Variants in CEP63 observed in about 807,000 individuals in gnomAD.
CEP63 encodes centrosomal protein of 63 kDa.
CEP63 carries 84 observed loss-of-function variants against 89.1 expected under a neutral mutation model. The observed-to-expected ratio is 0.94, with a 90% CI of 0.79 to 1.13. The LOEUF is 1.13. Ranked by LOEUF, CEP63 falls within the 50% of genes most tolerant of loss-of-function variation. CEP63 has a pLI of 0.00. For synonymous variants in CEP63, 267 were observed against 272.5 expected, an observed-to-expected ratio of 0.98 and a Z score of 0.20; for missense variants, 838 against 813.3, an observed-to-expected ratio of 1.03 and a Z score of -0.37.
chr3:134,661,340 G>A, the CEP63 span, among the ~76,000 whole-genome samples: 2 of 152,026 alleles, frequency 1.3e-5, no homozygotes, highest in African/African-American at 4.8e-5. Context: ...TGTTCCTTCC[G>A]CCTAATATGC....
the CEP63 span, among the ~76,000 whole-genome samples, chr3:134,634,747 C>T: frequency 1.3e-5 from 2 of 152,146 alleles, no homozygotes; most frequent in Non-Finnish European, 2.9e-5. Flanking sequence ...ATGCAAAACT[C>T]GCATAGAGAG....
At chr3:134,681,328 C>A in the CEP63 span, among the ~76,000 whole-genome samples, 3 of 152,154 alleles carry the variant, frequency 2.0e-5, no homozygotes, top group Admixed American at 6.5e-5. Context: ...CCACAGGAGC[C>A]TGGCCCAAGC....
chr3:134,591,723 C>A (rs4399924), downstream of CEP63, among the ~76,000 whole-genome samples: 148,660 of 151,832 alleles, frequency 0.98, 72,801 homozygotes, highest in Non-Finnish European at 1. Context: ...ACAAAAAAAA[C>A]AAAAAAAATT....
chr3:134,575,156 G>A (rs958123151), downstream of CEP63: 16 of 109,608 alleles, frequency 1.5e-4, no homozygotes, highest in African/African-American at 1.5e-3. Flanking sequence ...CCCTCCCTCC[G>A]TCCCCCTTCC....
chr3:134,740,521 T>A, the CEP63 span, among the ~76,000 whole-genome samples: 1 of 152,050 alleles, frequency 6.6e-6, no homozygotes, highest in Non-Finnish European at 1.5e-5. Flanking sequence ...ATGGTCTCGA[T>A]CTCCTGACCT....
the CEP63 span, among the ~76,000 whole-genome samples, chr3:134,713,906 C>A: frequency 3.3e-5 from 5 of 152,320 alleles, no homozygotes; most frequent in South Asian, 8.3e-4. Context: ...TAACACCTGT[C>A]CAGAGCTCAG....
chr3:134,737,272 CA>C, the CEP63 span, among the ~76,000 whole-genome samples: 11 of 152,116 alleles, frequency 7.2e-5, no homozygotes, highest in Admixed American at 3.9e-4. Context: ...ACAATAAGCA[CA>C]AAATCTAATA....
chr3:134,652,918 G>A, the CEP63 span, among the ~76,000 whole-genome samples: 1 of 152,108 alleles, frequency 6.6e-6, no homozygotes, highest in Non-Finnish European at 1.5e-5. Flanking sequence ...TGGTGATGGT[G>A]GGGGGAGCTG....
chr3:134,532,553 TTTTG>T (rs1950049100), intron 4 of CEP63, among the ~76,000 whole-genome samples: 1 of 152,188 alleles, frequency 6.6e-6, no homozygotes, highest in Non-Finnish European at 1.5e-5. Context: ...AATACAAAAC[TTTTG>T]TTTAAAATTT....
the CEP63 span, among the ~76,000 whole-genome samples, chr3:134,678,466 T>C: frequency 1.3e-5 from 2 of 152,180 alleles, no homozygotes; most frequent in South Asian, 2.1e-4. Context: ...AGGCTGTGCA[T>C]GTTCCTGGTG....
At chr3:134,767,804 C>T in the CEP63 span, among the ~76,000 whole-genome samples, 9 of 152,168 alleles carry the variant, frequency 5.9e-5, no homozygotes, top group African/African-American at 2.2e-4. Context: ...ATGCTCTGTT[C>T]AGGGAACTCT....
intron 11 of CEP63, among the ~76,000 whole-genome samples, chr3:134,574,237 A>T (rs1187876219): frequency 6.6e-6 from 1 of 152,212 alleles, no homozygotes; most frequent in Non-Finnish European, 1.5e-5. Flanking sequence ...GACTGGGGTG[A>T]GAAGAGAGAT....
chr3:134,564,798 G>A lies in CEP63; in HGVS notation c.*3263G>A, dbSNP rs1474416100. 1.0e-6 allele frequency: 1 copy of A among 985,380 alleles called. No homozygotes were observed. 61.0% of individuals were successfully genotyped at this position (985,380 alleles called of 1,614,324 possible). ...GTAGACTGCAGCCCGTTTCTGAAAC[G>A]TTTGTACTACGTGTTGACTAGGAGG... On this transcript the variant is annotated 3_prime_UTR_variant, in exon 15 of 15. Coordinates refer to ENST00000675561, the MANE Select transcript of CEP63 (RefSeq NM_001353108.3).
chr3:134,608,761 C>T, the CEP63 span: 3 of 1,613,910 alleles, frequency 1.9e-6, no homozygotes, highest in African/African-American at 4.0e-5. Context: ...GAGGTTTTAG[C>T]AGCTGCCAGT....
chr3:134,489,376 G>C (rs1025034575), intron 1 of CEP63, among the ~76,000 whole-genome samples: 3 of 152,064 alleles, frequency 2.0e-5, no homozygotes, highest in African/African-American at 7.2e-5. Context: ...GGGATAGTTG[G>C]GGGGGTTGGA....
At chr3:134,717,583 G>A in the CEP63 span, among the ~76,000 whole-genome samples, 59 of 152,294 alleles carry the variant, frequency 3.9e-4, no homozygotes, top group African/African-American at 1.3e-3. Context: ...CAAAGACATA[G>A]AGGCCAGTAA....
chr3:134,598,486 G>A, the CEP63 span, among the ~76,000 whole-genome samples: 2 of 152,136 alleles, frequency 1.3e-5, no homozygotes, highest in African/African-American at 2.4e-5. Context: ...CAACCCTATC[G>A]TCCTAGTGTG....
At chr3:134,778,659 C>A in the CEP63 span, among the ~76,000 whole-genome samples, 2 of 151,930 alleles carry the variant, frequency 1.3e-5, no homozygotes, top group Non-Finnish European at 2.9e-5. Flanking sequence ...CCCGGGTTCA[C>A]GCCATTCTCC....
In CEP63 at chr3:134,531,896, A is replaced by G. The variant is rs182759972; in HGVS notation, c.274A>G (p.Met92Val). 5.0e-6 allele frequency: 8 copies of G among 1,613,660 alleles called. No individual in the cohort carries two copies. The East Asian group carries it at 1.1e-4, about 23-fold the overall frequency. Residue 92 changes from methionine (M) to valine (V), a missense_variant, in exon 4 of 15, where the codon ATG (methionine) becomes GTG (valine). Met to Val is a conservative substitution (Grantham distance 21). Transcript: ENST00000675561. ...AGAACATGAAAAAATCAAGCAAGAG[A>G]TGACCATGGAATATAAGCAGGAGTT... ...VEEHEKIKQEMTMEYKQELKK... is the reference protein window; with the variant it reads ...VEEHEKIKQEVTMEYKQELKK...
Sources: allele counts gnomAD v4.1 joint callset (sites outside exome capture counted in the v4.1 genomes callset), GRCh38; gene constraint gnomAD v4.1.1; transcripts MANE v1.5; gene names NCBI Gene and HGNC (gene_info 2026-07-23, HGNC 2026-07-21).